Variants in PLG observed in about 807,000 individuals in gnomAD.
The protein encoded by PLG is plasmin.
In PLG, 41 loss-of-function variants were observed where a neutral mutation model predicts 104.4. The ratio of observed to expected loss-of-function variants is 0.39; its 90% CI spans 0.31 to 0.51. The LOEUF is 0.51. Ranked by LOEUF, PLG falls within the 20% of genes least tolerant of loss-of-function variation. The pLI, the probability that PLG is intolerant of heterozygous loss-of-function variation, is 0.76. For synonymous variants in PLG, 337 were observed against 357.1 expected, an observed-to-expected ratio of 0.94 and a Z score of 0.63; for missense variants, 891 against 1,003.6, an observed-to-expected ratio of 0.89 and a Z score of 1.52.
At position 160,731,622 on chromosome 6, in the gene PLG, C is replaced by T; in HGVS notation, c.1439-123C>T. ...GCGTTCATTGCAGTCTTCAGCATTG[C>T]AGTTTCTGAGGAATGTGGCCCCTGA... On this transcript the variant is annotated intron_variant, in intron 11 of 18. Transcript: ENST00000308192. This position sits in a 1 kb window ranked among gnomAD's most constrained non-coding sequence, Gnocchi z 5.1. 5 of 909,848 alleles carry T rather than the reference C, an allele frequency of 5.5e-6. No homozygotes were observed. The South Asian group carries it at 6.6e-5, about 12-fold the overall frequency. 56.4% of individuals were successfully genotyped at this position (909,848 alleles called of 1,614,324 possible). A position where few individuals can be genotyped will look rare whatever the true frequency, so the allele number is the denominator to read the frequency against.
Position 160,752,753 on chromosome 6 carries a change from C to A in PLG, c.2272-147C>A. On this transcript the variant is annotated intron_variant, in intron 18 of 18. Coordinates refer to ENST00000308192, the MANE Select transcript of PLG (RefSeq NM_000301.5). The surrounding 1 kb of genome is among the most constrained non-coding windows in gnomAD (Gnocchi z 4.7). ...ACAGATTTTGCTAAGTACTTAAGCACTGCAGATGCTTGAGTAATATGCTCA... is the reference window on the plus strand; with the variant it reads ...ACAGATTTTGCTAAGTACTTAAGCAATGCAGATGCTTGAGTAATATGCTCA... The A allele has an allele frequency of 1.0e-6, 1 of 982,780 alleles. No homozygotes were observed. The highest frequency in any genetic ancestry group is 1.6e-6 in the Non-Finnish European group (1 of 626,806). 60.9% of individuals were successfully genotyped at this position (982,780 alleles called of 1,614,324 possible).
intron 10 of PLG, among the ~76,000 whole-genome samples, chr6:160,730,145 T>C (rs906294782): frequency 4.6e-5 from 7 of 152,174 alleles, no homozygotes; most frequent in Non-Finnish European, 7.4e-5. Flanking sequence ...GGGAGCACAT[T>C]CTCCAAGATC....
chr6:160,704,270 T>C (rs1777477875), intron 1 of PLG, among the ~76,000 whole-genome samples: 1 of 152,200 alleles, frequency 6.6e-6, no homozygotes, highest in Non-Finnish European at 1.5e-5. Context: ...AAGAGAAAAG[T>C]TTGATTCTGT....
Position 160,752,159 on chromosome 6 carries a change from A to G in PLG, c.2170A>G (p.Ile724Val), listed in dbSNP as rs1324350158. The G allele has an allele frequency of 2.5e-6, 4 of 1,612,468 alleles. No homozygotes were observed. The highest frequency in any genetic ancestry group is 3.4e-6 in the Non-Finnish European group (4 of 1,178,618). ...TCTCAAGGAAGCCCAGCTCCCTGTG[A>G]TTGAGAATAAAGTGTGCAATCGCTA... ...GLLKEAQLPV[I>V]ENKVCNRYEF... The change falls in exon 18 of 19, where the codon ATT becomes GTT. Residue 724 changes from isoleucine (I) to valine (V), a missense_variant. Physicochemically the swap from Ile to Val is conservative, Grantham distance 29. Coordinates refer to ENST00000308192, the MANE Select transcript of PLG (RefSeq NM_000301.5). The surrounding 1 kb of genome is among the most constrained non-coding windows in gnomAD (Gnocchi z 4.7).
chr6:160,722,409 A>G lies in PLG; in HGVS notation c.1098A>G (p.Ala366=). The G allele has an allele frequency of 6.2e-7, 1 of 1,610,106 alleles. No homozygotes were observed. Among genetic ancestry groups the G allele is most frequent in the East Asian group, 2.2e-5 (1 of 44,820 alleles). Residue 366 remains alanine, a splice_region_variant and synonymous_variant, in exon 10 of 19, where the codon GCA becomes GCG. Coordinates refer to ENST00000308192, the MANE Select transcript of PLG (RefSeq NM_000301.5). ...PVSTEQLAPT[A]PPELTPVVQD... The stretch of plus-strand genomic sequence containing the variant: ...TGATTTCTTTTATTTTAATTTCAGC[A>G]CCACCTGAGCTAACCCCTGTGGTCC...
chr6:160,748,695 A>T (rs1037226091), intron 17 of PLG, among the ~76,000 whole-genome samples: 5 of 152,196 alleles, frequency 3.3e-5, no homozygotes, highest in Non-Finnish European at 7.3e-5. Flanking sequence ...GGATTAAGCA[A>T]AAAAGAGAAA....
In PLG at chr6:160,734,126, T is replaced by A; in HGVS notation, c.1681+38T>A. 8.6e-7 allele frequency: 1 copy of A among 1,166,530 alleles called. No homozygotes were observed. Among genetic ancestry groups the A allele is most frequent in the Non-Finnish European group, 1.3e-6 (1 of 773,292 alleles). The allele number at this position is 1,166,530 out of a possible 1,614,324, so 72.3% of individuals were successfully genotyped here. A position where few individuals can be genotyped will look rare whatever the true frequency, so the allele number is the denominator to read the frequency against. ...CTTTTTGGTAAGGAAACTGCTTACT[T>A]AATATGGATTTGCAACAAAAAAGGA... On this transcript the variant is annotated intron_variant, in intron 13 of 18. Coordinates refer to ENST00000308192, the MANE Select transcript of PLG (RefSeq NM_000301.5). The surrounding 1 kb of genome is among the most constrained non-coding windows in gnomAD (Gnocchi z 4.4).
At chr6:160,748,365 A>AG (rs1411659688) in intron 17 of PLG, among the ~76,000 whole-genome samples, 1 of 37,476 alleles carries the variant, frequency 2.7e-5, no homozygotes, top group African/African-American at 9.2e-5. Context: ...AGAAAGAAAG[A>AG]AAGAAAGAAA....
intron 3 of PLG, among the ~76,000 whole-genome samples, chr6:160,708,768 T>C (rs1777579743): frequency 6.6e-6 from 1 of 152,172 alleles, no homozygotes; most frequent in South Asian, 2.1e-4. Context: ...TTTATTTGGG[T>C]TGGAATTATT....
intron 3 of PLG, 47 bp from the exon 4 acceptor site, chr6:160,711,030 G>A: frequency 6.3e-7 from 1 of 1,598,960 alleles, no homozygotes; most frequent in Middle Eastern, 1.7e-4. Flanking sequence ...AGACCTTCAT[G>A]TGGTGTCTTG....
rs906766812 is a variant in PLG at position 160,732,253 on chromosome 6, C to T, written c.1587+360C>T. ...TTTATGAAATTTAAGTCAGATTTTTCGAGAAAAAATTTGGATGGGCCATCA... is the reference window on the plus strand; with the variant it reads ...TTTATGAAATTTAAGTCAGATTTTTTGAGAAAAAATTTGGATGGGCCATCA... On this transcript the variant is annotated intron_variant, in intron 12 of 18. Transcript: ENST00000308192. The surrounding 1 kb of genome is among the most constrained non-coding windows in gnomAD (Gnocchi z 4.5). 2.6e-5 allele frequency among the ~76,000 whole-genome samples: 4 copies of T among 151,216 alleles called. No individual in the cohort carries two copies. The highest frequency in any genetic ancestry group is 4.2e-4 in the South Asian group (2 of 4,808).
chr6:160,720,367 G>A (rs557278326), intron 9 of PLG, among the ~76,000 whole-genome samples: 1 of 135,822 alleles, frequency 7.4e-6, no homozygotes, highest in South Asian at 2.4e-4. Context: ...TCCTAGATTT[G>A]TAGATTGTTG....
chr6:160,731,633 G>C lies in PLG; in HGVS notation c.1439-112G>C. On this transcript the variant is annotated intron_variant, in intron 11 of 18. Transcript: ENST00000308192. The surrounding 1 kb of genome is among the most constrained non-coding windows in gnomAD (Gnocchi z 5.1). Reference sequence around the variant, plus strand: ...AGTCTTCAGCATTGCAGTTTCTGAGGAATGTGGCCCCTGATTCTGTCATCC... The same window carrying C: ...AGTCTTCAGCATTGCAGTTTCTGAGCAATGTGGCCCCTGATTCTGTCATCC... 3 of 1,015,584 alleles carry C rather than the reference G, an allele frequency of 3.0e-6. No homozygotes were observed. In the South Asian group the frequency reaches 3.8e-5, roughly 13 times the overall value. The allele number at this position is 1,015,584 out of a possible 1,614,324, so 62.9% of individuals were successfully genotyped here. A position where few individuals can be genotyped will look rare whatever the true frequency, so the allele number is the denominator to read the frequency against.
rs952160619 is a variant in PLG at position 160,744,412 on chromosome 6, A to G, written c.2125+2995A>G. 6.6e-6 allele frequency among the ~76,000 whole-genome samples: 1 copy of G among 152,106 alleles called. No individual in the cohort carries two copies. Among genetic ancestry groups the G allele is most frequent in the African/African-American group, 2.4e-5 (1 of 41,404 alleles). On this transcript the variant is annotated intron_variant, in intron 17 of 18. Coordinates refer to ENST00000308192, the MANE Select transcript of PLG (RefSeq NM_000301.5). This position sits in a 1 kb window ranked among gnomAD's most constrained non-coding sequence, Gnocchi z 4.5. ...GGAGGGTGTATGTGTCCAGGAATTTATCCATCTCTTTTAGGTTTTCTAGTT... is the reference window on the plus strand; with the variant it reads ...GGAGGGTGTATGTGTCCAGGAATTTGTCCATCTCTTTTAGGTTTTCTAGTT...
intron 9 of PLG, 82 bp from the exon 10 acceptor site, chr6:160,722,326 C>G (rs150331110): frequency 3.3e-6 from 3 of 906,596 alleles, no homozygotes; most frequent in African/African-American, 1.6e-5. Flanking sequence ...CAGAGGCTAC[C>G]GTACTGTTTT....
rs761061913 is a variant in PLG, at chr6:160,726,710, T to C, written c.1256+4143T>C. Among the ~76,000 whole-genome samples, 2 of 152,050 alleles carry C rather than the reference T, an allele frequency of 1.3e-5. No individual in the cohort carries two copies. The highest frequency in any genetic ancestry group is 2.9e-5 in the Non-Finnish European group (2 of 67,894). On this transcript the variant is annotated intron_variant, in intron 10 of 18. Coordinates refer to ENST00000308192, the MANE Select transcript of PLG (RefSeq NM_000301.5). The surrounding 1 kb of genome is among the most constrained non-coding windows in gnomAD (Gnocchi z 4.4). ...CTCTGATGGCTAATAAAATGTGTGA[T>C]TGTCTATTATGTTTAAAAACATTCT...
At chr6:160,715,987 G>A (rs1004955053) in intron 6 of PLG, among the ~76,000 whole-genome samples, 1 of 152,240 alleles carries the variant, frequency 6.6e-6, no homozygotes, top group Non-Finnish European at 1.5e-5. Flanking sequence ...ACTGAGGAAG[G>A]ATCCAGCCCC....
At chr6:160,730,269 A>G (rs1777979789) in intron 10 of PLG, among the ~76,000 whole-genome samples, 1 of 152,138 alleles carries the variant, frequency 6.6e-6, no homozygotes, top group African/African-American at 2.4e-5. Flanking sequence ...CTTGAGTCCC[A>G]CTGTTCTTCC....
At position 160,752,395 on chromosome 6, in the gene PLG, T is replaced by C; in HGVS notation, c.2271+135T>C. On this transcript the variant is annotated intron_variant, in intron 18 of 18. Transcript: ENST00000308192. This position sits in a 1 kb window ranked among gnomAD's most constrained non-coding sequence, Gnocchi z 4.7. ...CCCAGTCTAAGTGTTGTTTAGAAACTTCCTAGATCTGTCCCTGAATGCGTA... is the reference window on the plus strand; with the variant it reads ...CCCAGTCTAAGTGTTGTTTAGAAACCTCCTAGATCTGTCCCTGAATGCGTA... 1.3e-6 allele frequency: 1 copy of C among 770,972 alleles called. No individual in the cohort carries two copies. Among genetic ancestry groups the C allele is most frequent in the Non-Finnish European group, 2.2e-6 (1 of 444,760 alleles). 47.8% of individuals were successfully genotyped at this position (770,972 alleles called of 1,614,324 possible).
Sources: gnomAD v4.1 joint callset for allele counts (sites outside exome capture counted in the v4.1 genomes callset) on GRCh38, gnomAD v4.1.1 for gene constraint, Gnocchi (gnomAD v3.1) non-coding constraint, MANE v1.5 for transcripts, NCBI Gene and HGNC (gene_info 2026-07-23, HGNC 2026-07-21) for gene names.